The following MYLIP variants were observed in gnomAD, a reference collection of about 807,000 sequenced individuals.
MYLIP encodes myosin regulatory light chain interacting protein.
MYLIP carries 26 observed loss-of-function variants against 45.8 expected under a neutral mutation model. The observed-to-expected ratio is 0.57, with a 90% CI of 0.42 to 0.79. The LOEUF is 0.79. Ranked by LOEUF, MYLIP falls within the 30% of genes least tolerant of loss-of-function variation. The pLI is 0.00. For missense variants in MYLIP, 494 were observed against 555.6 expected (o/e 0.89, Z 1.11); for synonymous variants, 213 against 218.1 (o/e 0.98, Z 0.21).
In MYLIP at chr6:16,129,148, AG is replaced by A; in HGVS notation, c.-170del. 1 of 606,494 alleles carries A rather than the reference AG, an allele frequency of 1.6e-6. No homozygotes were observed. The highest frequency in any genetic ancestry group is 2.8e-6 in the Non-Finnish European group (1 of 352,736). The allele number at this position is 606,494 out of a possible 1,614,324, so 37.6% of individuals were successfully genotyped here. On this transcript the variant is annotated 5_prime_UTR_variant, in exon 1 of 7. Coordinates refer to ENST00000356840, the MANE Select transcript of MYLIP (RefSeq NM_013262.4). The surrounding 1 kb of genome is among the most constrained non-coding windows in gnomAD (Gnocchi z 5.1). ...AGGGGCAGCTGGCGGGCAGCGGGTG[AG>A]GGGGTGGCGGGGACGCGAGTGGCGG... is the stretch of plus-strand genomic sequence containing the variant.
chr6:16,129,528 C>A lies in MYLIP; in HGVS notation c.87+119C>A. 1 of 973,920 alleles carries A rather than the reference C, an allele frequency of 1.0e-6. No homozygotes were observed. Among genetic ancestry groups the A allele is most frequent in the South Asian group, 1.7e-5 (1 of 60,418 alleles). The allele number at this position is 973,920 out of a possible 1,614,324, so 60.3% of individuals were successfully genotyped here. ...GGGCCGGGAGGCACTGCGGCGGCAG[C>A]CGGGGGGAGCGCGTCCCCTCCTCTC... On this transcript the variant is annotated intron_variant, in intron 1 of 6. Coordinates refer to ENST00000356840, the MANE Select transcript of MYLIP (RefSeq NM_013262.4). The surrounding 1 kb of genome is among the most constrained non-coding windows in gnomAD (Gnocchi z 5.1).
the MYLIP span, among the ~76,000 whole-genome samples, chr6:16,154,226 C>T: frequency 7.0e-4 from 106 of 152,144 alleles, no homozygotes; most frequent in Non-Finnish European, 1.3e-3. Context: ...ACCTCAGCGT[C>T]TCGAATAGTT....
At chr6:16,140,042 C>T (rs561241426) in intron 2 of MYLIP, among the ~76,000 whole-genome samples, 3 of 152,328 alleles carry the variant, frequency 2.0e-5, no homozygotes, top group East Asian at 1.9e-4. Context: ...CTGCCTCCTC[C>T]TTAGTCGATT....
At chr6:16,137,559 A>T (rs1759580887) in intron 2 of MYLIP, among the ~76,000 whole-genome samples, 1 of 152,214 alleles carries the variant, frequency 6.6e-6, no homozygotes, top group Non-Finnish European at 1.5e-5. Flanking sequence ...AAAAGCTCTT[A>T]AAAATGGTGT....
intron 2 of MYLIP, among the ~76,000 whole-genome samples, chr6:16,140,946 A>G (rs1327146448): frequency 6.6e-6 from 1 of 152,246 alleles, no homozygotes; most frequent in Non-Finnish European, 1.5e-5. Flanking sequence ...TCCTGCAAGT[A>G]GTATTGAGGA....
chr6:16,146,601 AG>A (rs2113573159), intron 6 of MYLIP, 60 bp from the exon 7 acceptor site: 1 of 1,352,104 alleles, frequency 7.4e-7, no homozygotes, highest in Non-Finnish European at 1.0e-6. Context: ...GTGTGCACAG[AG>A]ACACAGGCCC....
rs779354154 is a variant in MYLIP at position 16,145,234 on chromosome 6, G to C, written c.1165G>C (p.Val389Leu). The C allele has an allele frequency of 2.5e-6, 4 of 1,613,998 alleles. No homozygotes were observed. Among genetic ancestry groups the C allele is most frequent in the Non-Finnish European group, 1.7e-6 (2 of 1,179,904 alleles). The change falls in exon 6 of 7, where the codon GTG becomes CTG. Residue 389 changes from valine (V) to leucine (L), a missense_variant. Val to Leu is a conservative substitution (Grantham distance 32). Coordinates refer to ENST00000356840, the MANE Select transcript of MYLIP (RefSeq NM_013262.4). ...RKLKEAMLCM[V>L]CCEEEINSTF... Reference sequence around the variant, plus strand: ...GCTGAAGGAAGCCATGCTGTGCATGGTGTGCTGCGAGGAGGAGATCAACTC... The same window carrying C: ...GCTGAAGGAAGCCATGCTGTGCATGCTGTGCTGCGAGGAGGAGATCAACTC...
rs2042124852 is a variant in MYLIP at position 16,129,340 on chromosome 6, G to A, written c.18G>A (p.Thr6=). The change falls in exon 1 of 7, where the codon ACG becomes ACA. Residue 6 remains threonine, a synonymous_variant. Transcript: ENST00000356840. The surrounding 1 kb of genome is among the most constrained non-coding windows in gnomAD (Gnocchi z 5.1). The part of the protein sequence containing the change: MLCYV[T]RPDAVLMEVE... Reference sequence around the variant, plus strand: ...CCCCAGCCATGCTGTGTTATGTGACGAGGCCGGACGCGGTGCTGATGGAGG... The same window carrying A: ...CCCCAGCCATGCTGTGTTATGTGACAAGGCCGGACGCGGTGCTGATGGAGG... 1.9e-6 allele frequency: 3 copies of A among 1,581,872 alleles called. No homozygotes were observed. Among genetic ancestry groups the A allele is most frequent in the Admixed American group, 1.8e-5 (1 of 55,262 alleles).
At chr6:16,140,982 A>T (rs1171213014) in intron 2 of MYLIP, among the ~76,000 whole-genome samples, 1 of 152,216 alleles carries the variant, frequency 6.6e-6, no homozygotes, top group Non-Finnish European at 1.5e-5. Context: ...ATAGAACTGG[A>T]TTTAAATAGT....
At chr6:16,152,392 G>A (rs996706785), downstream of MYLIP, among the ~76,000 whole-genome samples, 3 of 152,138 alleles carry the variant, frequency 2.0e-5, no homozygotes, top group African/African-American at 7.2e-5. Flanking sequence ...GGCAATATTG[G>A]CCCCCAGGAA....
rs139469255 is a variant in MYLIP, at chr6:16,141,688, G to A, written c.342G>A (p.Glu114=). Reference sequence around the variant, plus strand: ...CAGGCCACCTCTTGTGTTCCCCAGAGCAGGCAGTGGAACTCAGTGCCCTCC... The same window carrying A: ...CAGGCCACCTCTTGTGTTCCCCAGAACAGGCAGTGGAACTCAGTGCCCTCC... ...LLAGHLLCSP[E]QAVELSALLA... Residue 114 remains glutamate, a synonymous_variant, in exon 3 of 7, where the codon GAG becomes GAA. Coordinates refer to ENST00000356840, the MANE Select transcript of MYLIP (RefSeq NM_013262.4). 910 of 1,614,114 alleles carry A rather than the reference G, an allele frequency of 5.6e-4. 2 individuals carry two copies. Among genetic ancestry groups the A allele is most frequent in the Middle Eastern group, 6.6e-4 (4 of 6,062 alleles).
the MYLIP span, among the ~76,000 whole-genome samples, chr6:16,156,590 G>T: frequency 2.0e-5 from 3 of 152,234 alleles, no homozygotes; most frequent in Admixed American, 2.0e-4. Flanking sequence ...TATCCATAAA[G>T]CTTTGGGGCA....
downstream of MYLIP, among the ~76,000 whole-genome samples, chr6:16,148,588 TGAAAA>T (rs1759841842): frequency 1.3e-5 from 2 of 152,046 alleles, no homozygotes; most frequent in East Asian, 1.9e-4. Flanking sequence ...CATAAGCAGA[TGAAAA>T]GAAAAAATCA....
chr6:16,143,438 A>G (rs912599649), intron 4 of MYLIP, among the ~76,000 whole-genome samples: 4 of 152,194 alleles, frequency 2.6e-5, no homozygotes, highest in African/African-American at 9.7e-5. Context: ...TAACCCATTC[A>G]CTGCCATAAA....
At chr6:16,137,068 CTA>C (rs1277359483) in intron 2 of MYLIP, among the ~76,000 whole-genome samples, 3 of 152,196 alleles carry the variant, frequency 2.0e-5, no homozygotes, top group South Asian at 4.1e-4. Context: ...GTGGTTTTTG[CTA>C]TGTCCTGAGA....
chr6:16,157,958 G>T, the MYLIP span, among the ~76,000 whole-genome samples: 539 of 152,330 alleles, frequency 3.5e-3, 4 homozygotes, highest in African/African-American at 0.011. Context: ...AAGATAGCAG[G>T]ATTTCAGCAG....
chr6:16,129,398 T>A lies in MYLIP; in HGVS notation c.76T>A (p.Cys26Ser). Residue 26 changes from cysteine (C) to serine (S), a missense_variant, in exon 1 of 7, where the codon TGC (cysteine) becomes AGC (serine). Physicochemically the swap from Cys to Ser is moderately radical, Grantham distance 112. Coordinates refer to ENST00000356840, the MANE Select transcript of MYLIP (RefSeq NM_013262.4). This position sits in a 1 kb window ranked among gnomAD's most constrained non-coding sequence, Gnocchi z 5.1. Reference sequence around the variant, plus strand: ...GGAGGCGAAAGCCAACGGCGAGGACTGCCTCAACCAGGTGAGGGCGAGGGG... The same window carrying A: ...GGAGGCGAAAGCCAACGGCGAGGACAGCCTCAACCAGGTGAGGGCGAGGGG... ...EVEAKANGED[C>S]LNQVCRRLGI... 4 of 1,588,558 alleles carry A rather than the reference T, an allele frequency of 2.5e-6. No individual in the cohort carries two copies. Among genetic ancestry groups the A allele is most frequent in the South Asian group, 1.1e-5 (1 of 87,514 alleles).
At chr6:16,148,319 CAGTT>C (rs1759836642), downstream of MYLIP, 2 of 151,786 alleles carry the variant, frequency 1.3e-5, no homozygotes, top group African/African-American at 2.4e-5. Context: ...GGTAACATCA[CAGTT>C]AGTATCTACT....
downstream of MYLIP, among the ~76,000 whole-genome samples, chr6:16,151,392 T>C (rs1023544577): frequency 1.3e-5 from 2 of 151,620 alleles, no homozygotes; most frequent in African/African-American, 2.4e-5. Context: ...AAAAAGTGCA[T>C]GCACACGTCA....
Sources: allele counts gnomAD v4.1 joint callset (sites outside exome capture counted in the v4.1 genomes callset), GRCh38; gene constraint gnomAD v4.1.1; non-coding constraint Gnocchi (gnomAD v3.1); transcripts MANE v1.5; gene names NCBI Gene and HGNC (gene_info 2026-07-23, HGNC 2026-07-21).